Variants in PIEZO2 observed in about 807,000 individuals in gnomAD.
PIEZO2 encodes the protein piezo type mechanosensitive ion channel component 2.
In PIEZO2, 172 loss-of-function variants were observed where a neutral mutation model predicts 337.3. That is an observed-to-expected ratio of 0.51 (90% CI 0.45 to 0.58). PIEZO2 has a LOEUF of 0.58. Ranked by LOEUF, PIEZO2 falls within the 20% of genes least tolerant of loss-of-function variation. The probability of loss-of-function intolerance (pLI) is 0.00; values close to 1 mark genes in which losing one functional copy is unlikely to be tolerated. For missense variants in PIEZO2, 3,028 were observed against 3,391.3 expected (o/e 0.89, Z 2.66); for synonymous variants, 1,251 against 1,228.5 (o/e 1.02, Z -0.38).
rs10576283 is a variant in PIEZO2 at position 11,125,151 on chromosome 18, A to AACAC, written c.64+23370_64+23373dup. 2.8e-4 allele frequency among the ~76,000 whole-genome samples: 43 copies of AACAC among 151,494 alleles called. No individual in the cohort carries two copies. Among genetic ancestry groups the AACAC allele is most frequent in the African/African-American group, 9.9e-4 (41 of 41,344 alleles). ...TTTGCAAATATTAAATGGGAGAAAG[A>AACAC]ACACACACACACACACATGCACACA... is the stretch of plus-strand genomic sequence containing the variant. On this transcript the variant is annotated intron_variant, in intron 1 of 55. Transcript: ENST00000674853. This position sits in a 1 kb window ranked among gnomAD's most constrained non-coding sequence, Gnocchi z 4.4.
At position 11,097,582 on chromosome 18, in the gene PIEZO2, G is replaced by C. The variant is rs1464581241; in HGVS notation, c.65-31360C>G. 6.6e-6 allele frequency among the ~76,000 whole-genome samples: 1 copy of C among 152,226 alleles called. No homozygotes were observed. Among genetic ancestry groups the C allele is most frequent in the Non-Finnish European group, 1.5e-5 (1 of 68,030 alleles). ...AGCAAAAGCTATTTAGAGGAGTACA[G>C]CCTAATCACCACCACCAAAACAAGT... On this transcript the variant is annotated intron_variant, in intron 1 of 55. Coordinates refer to ENST00000674853, the MANE Select transcript of PIEZO2 (RefSeq NM_001378183.1). The surrounding 1 kb of genome is among the most constrained non-coding windows in gnomAD (Gnocchi z 5.0).
rs1481813742 is a variant in PIEZO2 at position 10,775,856 on chromosome 18, AC to A, written c.2535-1819del. On this transcript the variant is annotated intron_variant, in intron 18 of 55. Coordinates refer to ENST00000674853, the MANE Select transcript of PIEZO2 (RefSeq NM_001378183.1). This position sits in a 1 kb window ranked among gnomAD's most constrained non-coding sequence, Gnocchi z 4.3. Reference sequence around the variant, plus strand: ...GCTCATTCCCTCTGACCTTAGAGCCACAAACTCCAGACCCTCTCTGGAGCAG... The same window carrying A: ...GCTCATTCCCTCTGACCTTAGAGCCAAAACTCCAGACCCTCTCTGGAGCAG... Among the ~76,000 whole-genome samples, 1 of 152,134 alleles carries A rather than the reference AC, an allele frequency of 6.6e-6. No homozygotes were observed. Among genetic ancestry groups the A allele is most frequent in the Non-Finnish European group, 1.5e-5 (1 of 68,026 alleles).
rs1265737915 is a variant in PIEZO2, at chr18:11,047,652, T to C, written c.160+18475A>G. Among the ~76,000 whole-genome samples the C allele has an allele frequency of 6.6e-6, 1 of 152,026 alleles. No individual in the cohort carries two copies. The highest frequency in any genetic ancestry group is 1.5e-5 in the Non-Finnish European group (1 of 68,004). ...ATAGGGAGAATCGAAGTCTTGGTCC[T>C]AAGGAGGAGGGCACGGGGGGAATCT... is the stretch of plus-strand genomic sequence containing the variant. On this transcript the variant is annotated intron_variant, in intron 2 of 55. Transcript: ENST00000674853. This position sits in a 1 kb window ranked among gnomAD's most constrained non-coding sequence, Gnocchi z 7.2.
chr18:11,036,606 T>C (rs1056433184), intron 2 of PIEZO2, among the ~76,000 whole-genome samples: 1 of 151,592 alleles, frequency 6.6e-6, no homozygotes, highest in African/African-American at 2.4e-5. Flanking sequence ...ATAAAATATA[T>C]ACATATTTTA....
intron 1 of PIEZO2, among the ~76,000 whole-genome samples, chr18:11,091,330 G>GT (rs959977176): frequency 2.0e-5 from 3 of 147,722 alleles, no homozygotes; most frequent in African/African-American, 7.6e-5. Flanking sequence ...GTTGCAGTGA[G>GT]TCCAGATGGT....
chr18:10,996,968 G>A (rs1382926995), intron 2 of PIEZO2, among the ~76,000 whole-genome samples: 1 of 152,134 alleles, frequency 6.6e-6, no homozygotes, highest in Non-Finnish European at 1.5e-5. Context: ...CTTATGAGAA[G>A]AGAGCAAGAA....
rs909943140 is a variant in PIEZO2 at position 10,728,097 on chromosome 18, G to A, written c.5029+3310C>T. 14 of 152,542 alleles carry A rather than the reference G, an allele frequency of 9.2e-5. 1 individual carries two copies. The South Asian group carries it at 1.0e-3, about 11-fold the overall frequency. 9.4% of individuals were successfully genotyped at this position (152,542 alleles called of 1,614,324 possible). ...ATCCTAGACTTGAAAAGAAAAAATC[G>A]CCAACAAAATGTGAAATAAAAATGC... On this transcript the variant is annotated intron_variant, in intron 36 of 55. Coordinates refer to ENST00000674853, the MANE Select transcript of PIEZO2 (RefSeq NM_001378183.1).
At position 10,770,239 on chromosome 18, in the gene PIEZO2, A is replaced by C; in HGVS notation, c.2855T>G (p.Phe952Cys). 1 of 1,537,674 alleles carries C rather than the reference A, an allele frequency of 6.5e-7. No homozygotes were observed. The highest frequency in any genetic ancestry group is 8.7e-7 in the Non-Finnish European group (1 of 1,147,006). Residue 952 changes from phenylalanine (F) to cysteine (C), a missense_variant, in exon 21 of 56, where the codon TTT becomes TGT. By Grantham distance (205) the Phe-to-Cys change is radical. Coordinates refer to ENST00000674853, the MANE Select transcript of PIEZO2 (RefSeq NM_001378183.1). The part of the protein sequence containing the change: ...TVLFLKFLEY[F>C]HKLQVFMWWI... ...CCACATGAACACCTGCAGCTTGTGA[A>C]AATACTCCAGGAATTTTAAGAAGAG...
intron 2 of PIEZO2, among the ~76,000 whole-genome samples, chr18:11,065,549 G>T (rs868120033): frequency 6.6e-6 from 1 of 152,298 alleles, no homozygotes. Flanking sequence ...TTCTTATAGA[G>T]TAACCAGAAT....
chr18:10,772,933 T>A (rs1598460401), intron 20 of PIEZO2, among the ~76,000 whole-genome samples: 1 of 152,364 alleles, frequency 6.6e-6, no homozygotes, highest in East Asian at 1.9e-4. Flanking sequence ...ATCCAATTGC[T>A]GACTTTCTCC....
chr18:10,722,662 T>C (rs1477898847), intron 36 of PIEZO2, among the ~76,000 whole-genome samples: 1 of 152,146 alleles, frequency 6.6e-6, no homozygotes, highest in Non-Finnish European at 1.5e-5. Context: ...AAGTCTTGGG[T>C]TGGAAAAAAT....
intron 3 of PIEZO2, among the ~76,000 whole-genome samples, chr18:10,933,876 C>T (rs571291595): frequency 2.8e-4 from 43 of 152,324 alleles, no homozygotes; most frequent in African/African-American, 1.0e-3. Flanking sequence ...GGGAGTTCCC[C>T]TGCACAAGCT....
At position 11,078,088 on chromosome 18, in the gene PIEZO2, TACACAC is replaced by T. The variant is rs544506346; in HGVS notation, c.65-11872_65-11867del. Among the ~76,000 whole-genome samples the T allele has an allele frequency of 2.4e-3, 331 of 140,682 alleles. 2 individuals carry two copies. The highest frequency in any genetic ancestry group is 3.7e-3 in the Non-Finnish European group (235 of 64,314). The allele number at this position is 140,682 out of a possible 152,430, so 92.3% of individuals were successfully genotyped here. ...CACACCACACACACAAAAACAAACA[TACACAC>T]ACACAAACACATACACATATACACA... is the stretch of plus-strand genomic sequence containing the variant. On this transcript the variant is annotated intron_variant, in intron 1 of 55. Coordinates refer to ENST00000674853, the MANE Select transcript of PIEZO2 (RefSeq NM_001378183.1). The surrounding 1 kb of genome is among the most constrained non-coding windows in gnomAD (Gnocchi z 5.3).
intron 2 of PIEZO2, among the ~76,000 whole-genome samples, chr18:11,020,723 G>A (rs1009593094): frequency 1.3e-5 from 2 of 152,126 alleles, no homozygotes; most frequent in Non-Finnish European, 2.9e-5. Flanking sequence ...TTCACAAAGT[G>A]AGCTCTTTAT....
chr18:10,948,458 A>T (rs905823874), intron 3 of PIEZO2, among the ~76,000 whole-genome samples: 2 of 152,182 alleles, frequency 1.3e-5, no homozygotes, highest in African/African-American at 2.4e-5. Flanking sequence ...AATAACCCTA[A>T]TGAAATTTGA....
At position 10,971,170 on chromosome 18, in the gene PIEZO2, AATACTGATGTGGCATC is replaced by A. The variant is rs558237253; in HGVS notation, c.286+8349_286+8364del. ...AAGGGACTCAAGAGGCATCTGGGAA[AATACTGATGTGGCATC>A]AAAGCCATCTTCAAAATTTTGAAAG... On this transcript the variant is annotated intron_variant, in intron 3 of 55. Transcript: ENST00000674853. 2.5e-3 allele frequency among the ~76,000 whole-genome samples: 384 copies of A among 152,276 alleles called. 5 individuals are homozygous for A. The highest frequency in any genetic ancestry group is 9.1e-3 in the African/African-American group (379 of 41,562).
chr18:11,128,736 C>T lies in PIEZO2; in HGVS notation c.64+19789G>A, dbSNP rs1180113860. Among the ~76,000 whole-genome samples, 1 of 152,154 alleles carries T rather than the reference C, an allele frequency of 6.6e-6. No homozygotes were observed. The highest frequency in any genetic ancestry group is 1.9e-4 in the East Asian group (1 of 5,190). On this transcript the variant is annotated intron_variant, in intron 1 of 55. Transcript: ENST00000674853. This position sits in a 1 kb window ranked among gnomAD's most constrained non-coding sequence, Gnocchi z 4.1. ...GTTTGCTTCTAGACCTATAAATAGA[C>T]TAAAGTCCTGGCAGGTCCCTAAAGA...
At chr18:11,084,282 C>A (rs951908549) in intron 1 of PIEZO2, among the ~76,000 whole-genome samples, 1 of 151,748 alleles carries the variant, frequency 6.6e-6, no homozygotes, top group Admixed American at 6.6e-5. Context: ...TCTTTATCAT[C>A]CTTTGTTGAA....
intron 3 of PIEZO2, among the ~76,000 whole-genome samples, chr18:10,920,816 G>A (rs2031340480): frequency 6.6e-6 from 1 of 152,184 alleles, no homozygotes; most frequent in Non-Finnish European, 1.5e-5. Flanking sequence ...CAGTCTGGGA[G>A]GCAAGGTGGG....
Sources: gnomAD v4.1 joint callset for allele counts (sites outside exome capture counted in the v4.1 genomes callset) on GRCh38, gnomAD v4.1.1 for gene constraint, Gnocchi (gnomAD v3.1) non-coding constraint, MANE v1.5 for transcripts, NCBI Gene and HGNC (gene_info 2026-07-23, HGNC 2026-07-21) for gene names.